The following ERC2 variants were observed in gnomAD, a reference collection of about 807,000 sequenced individuals.
ERC2 encodes ERC protein 2.
Under a neutral mutation model 114.8 loss-of-function variants are expected in ERC2, and 42 were observed. The observed-to-expected ratio is 0.37, with a 90% CI of 0.29 to 0.47. ERC2 has a LOEUF of 0.47. Among genes scored for constraint, ERC2 ranks in the 20% least tolerant of loss-of-function variants. The pLI, the probability that ERC2 is intolerant of heterozygous loss-of-function variation, is 0.99. For synonymous variants in ERC2, 454 were observed against 425.5 expected, an observed-to-expected ratio of 1.07 and a Z score of -0.82; for missense variants, 939 against 1,150.7, an observed-to-expected ratio of 0.82 and a Z score of 2.66.
intron 3 of ERC2, among the ~76,000 whole-genome samples, chr3:56,264,054 TATG>T (rs1311254076): frequency 1.3e-5 from 2 of 152,174 alleles, no homozygotes; most frequent in Non-Finnish European, 2.9e-5. Flanking sequence ...CTAAAAACCA[TATG>T]ATCATCTCAA....
At chr3:56,314,774 G>C (rs2056785369) in intron 2 of ERC2, among the ~76,000 whole-genome samples, 1 of 152,108 alleles carries the variant, frequency 6.6e-6, no homozygotes, top group South Asian at 2.1e-4. Flanking sequence ...TTTTGCAGGA[G>C]GATAAACTAA....
intron 2 of ERC2, among the ~76,000 whole-genome samples, chr3:56,329,019 G>T (rs1247483162): frequency 6.6e-6 from 1 of 152,196 alleles, no homozygotes; most frequent in Admixed American, 6.5e-5. Context: ...ACAAGTCCAT[G>T]GATAGTGAAG....
chr3:55,954,081 T>TAAA lies in ERC2; in HGVS notation c.2268-3524_2268-3522dup, dbSNP rs58512381. Among the ~76,000 whole-genome samples the TAAA allele has an allele frequency of 1.2e-3, 58 of 50,346 alleles. 1 individual carries two copies. The highest frequency in any genetic ancestry group is 2.3e-3 in the African/African-American group (27 of 11,710). 33.0% of individuals were successfully genotyped at this position (50,346 alleles called of 152,430 possible). A position where few individuals can be genotyped will look rare whatever the true frequency, so the allele number is the denominator to read the frequency against. ...CAAGAGACTGACTTGCTCCATTATT[T>TAAA]AAAAAAAAAAAAAAAAAAAAAAAAA... On this transcript the variant is annotated intron_variant, in intron 12 of 17. Coordinates refer to ENST00000288221, the MANE Select transcript of ERC2 (RefSeq NM_015576.3).
chr3:55,590,298 G>T (rs1251655335), intron 17 of ERC2, among the ~76,000 whole-genome samples: 1 of 152,228 alleles, frequency 6.6e-6, no homozygotes, highest in African/African-American at 2.4e-5. Context: ...CATCCCGTTG[G>T]TGGGTGCATA....
At chr3:55,881,577 T>G (rs1441404189) in intron 14 of ERC2, among the ~76,000 whole-genome samples, 3 of 152,202 alleles carry the variant, frequency 2.0e-5, no homozygotes, top group Non-Finnish European at 4.4e-5. Flanking sequence ...CCTATTAAAC[T>G]ACTATAGTAG....
intron 7 of ERC2, among the ~76,000 whole-genome samples, chr3:56,026,328 G>T (rs2074051816): frequency 6.6e-6 from 1 of 152,156 alleles, no homozygotes; most frequent in Non-Finnish European, 1.5e-5. Context: ...GGGATTAGAG[G>T]CATGGGCTGC....
intron 12 of ERC2, among the ~76,000 whole-genome samples, chr3:55,962,630 T>C (rs2068466656): frequency 6.6e-6 from 1 of 152,226 alleles, no homozygotes; most frequent in Admixed American, 6.5e-5. Flanking sequence ...CTAGGCACTT[T>C]ACATATATTA....
At position 55,638,654 on chromosome 3, in the gene ERC2, C is replaced by A. The variant is rs137912976; in HGVS notation, c.*39+45140G>T. Among the ~76,000 whole-genome samples the A allele has an allele frequency of 3.3e-3, 499 of 152,260 alleles. 3 individuals are homozygous for A. The highest frequency in any genetic ancestry group is 0.011 in the African/African-American group (469 of 41,556). On this transcript the variant is annotated intron_variant, in intron 17 of 17. Transcript: ENST00000288221. ...TAAGAACAGGAACCAGAGTCCTTGC[C>A]CATCCCCCAAGTAAATACATTAATT... is the stretch of plus-strand genomic sequence containing the variant.
intron 1 of ERC2, among the ~76,000 whole-genome samples, chr3:56,443,364 G>T (rs777494521): frequency 6.6e-6 from 1 of 152,160 alleles, no homozygotes; most frequent in African/African-American, 2.4e-5. Context: ...AGTTAGCGAC[G>T]TAGGCTCACC....
chr3:56,314,424 C>T (rs944757029), intron 2 of ERC2, among the ~76,000 whole-genome samples: 23 of 134,990 alleles, frequency 1.7e-4, no homozygotes, highest in African/African-American at 6.4e-4. Context: ...TTTCAAGCTC[C>T]TACTATTATT....
chr3:56,002,874 AG>A (rs1290552270), intron 10 of ERC2, among the ~76,000 whole-genome samples: 4 of 152,154 alleles, frequency 2.6e-5, no homozygotes, highest in African/African-American at 9.7e-5. Context: ...GTTAAGAAGG[AG>A]GTAATATCAG....
At chr3:56,117,062 T>A (rs1385916546) in intron 6 of ERC2, among the ~76,000 whole-genome samples, 1 of 152,148 alleles carries the variant, frequency 6.6e-6, no homozygotes, top group Non-Finnish European at 1.5e-5. Flanking sequence ...ACCACAGTAG[T>A]CAAAAGATAA....
rs1199270390 is a variant in ERC2, at chr3:55,880,173, A to G, written c.2564+8216T>C. Among the ~76,000 whole-genome samples, 4 of 152,190 alleles carry G rather than the reference A, an allele frequency of 2.6e-5. No homozygotes were observed. The East Asian group carries it at 7.7e-4, about 29-fold the overall frequency. ...GCTGGAACTGAAGCAAAAGTCTCAC[A>G]CTAAGAGGTGCAAGCAAATGCTAAA... On this transcript the variant is annotated intron_variant, in intron 14 of 17. Transcript: ENST00000288221.
intron 6 of ERC2, among the ~76,000 whole-genome samples, chr3:56,095,270 A>T (rs181049256): frequency 0.011 from 1,695 of 152,234 alleles, 33 homozygotes; most frequent in African/African-American, 0.035. Flanking sequence ...AAAAAATTTT[A>T]AAAAGAAAAT....
At chr3:55,736,644 A>G (rs187645452) in intron 14 of ERC2, among the ~76,000 whole-genome samples, 1 of 152,288 alleles carries the variant, frequency 6.6e-6, no homozygotes, top group East Asian at 1.9e-4. Flanking sequence ...GCACATAGCG[A>G]GTGCTCAAAA....
At chr3:56,431,714 T>C (rs2061798323) in intron 2 of ERC2, among the ~76,000 whole-genome samples, 1 of 152,232 alleles carries the variant, frequency 6.6e-6, no homozygotes, top group Non-Finnish European at 1.5e-5. Context: ...TTTATATTTT[T>C]TACTTTGTAA....
At chr3:56,287,264 T>A (rs143870536) in intron 3 of ERC2, among the ~76,000 whole-genome samples, 299 of 152,292 alleles carry the variant, frequency 2.0e-3, no homozygotes, top group African/African-American at 6.9e-3. Context: ...AAAGTTGGTT[T>A]TGGGAGACAA....
intron 13 of ERC2, among the ~76,000 whole-genome samples, chr3:55,942,979 C>T (rs1367406676): frequency 6.6e-6 from 1 of 152,174 alleles, no homozygotes; most frequent in Non-Finnish European, 1.5e-5. Flanking sequence ...TGCTGAAATA[C>T]CAGCATCTAT....
rs2051994512 is a variant in ERC2 at position 55,510,321 on chromosome 3, C to T, written c.*995G>A. 1 of 151,854 alleles carries T rather than the reference C, an allele frequency of 6.6e-6. No homozygotes were observed. Among genetic ancestry groups the T allele is most frequent in the Non-Finnish European group, 1.5e-5 (1 of 67,938 alleles). 9.4% of individuals were successfully genotyped at this position (151,854 alleles called of 1,614,324 possible). A position where few individuals can be genotyped will look rare whatever the true frequency, so the allele number is the denominator to read the frequency against. On this transcript the variant is annotated 3_prime_UTR_variant, in exon 18 of 18. Coordinates refer to ENST00000288221, the MANE Select transcript of ERC2 (RefSeq NM_015576.3). Reference sequence around the variant, plus strand: ...CATTTACAGAAAATCTAAGCTTACACTGTTTGCACAGCATTTGGATCTTGA... The same window carrying T: ...CATTTACAGAAAATCTAAGCTTACATTGTTTGCACAGCATTTGGATCTTGA...
Sources: gnomAD v4.1 joint callset for allele counts (sites outside exome capture counted in the v4.1 genomes callset) on GRCh38, gnomAD v4.1.1 for gene constraint, MANE v1.5 for transcripts, NCBI Gene and HGNC (gene_info 2026-07-23, HGNC 2026-07-21) for gene names.